Variants in B4GALT6 observed in about 807,000 individuals in gnomAD.
B4GALT6 encodes the protein beta-1,4-galactosyltransferase 6, also known as UDP-Gal:beta-GlcNAc beta-1,4-galactosyltransferase 6.
In B4GALT6, 14 loss-of-function variants were observed where a neutral mutation model predicts 46.3. That is an observed-to-expected ratio of 0.30 (90% confidence interval 0.20 to 0.47). The LOEUF (loss-of-function observed/expected upper bound fraction) is 0.47, where lower values mean the gene tolerates loss of function less well. Ranked by LOEUF, B4GALT6 falls within the 20% of genes least tolerant of loss-of-function variation. The pLI is 0.99. For synonymous variants in B4GALT6, 168 were observed against 162.0 expected, an observed-to-expected ratio of 1.04 and a Z score of -0.28; for missense variants, 386 against 480.1, an observed-to-expected ratio of 0.80 and a Z score of 1.83.
upstream of B4GALT6, among the ~76,000 whole-genome samples, chr18:31,690,381 T>A (rs2030068093): frequency 6.6e-6 from 1 of 152,198 alleles, no homozygotes. Context: ...TCCGCCTGCC[T>A]CAGCCTCCCA....
intron 3 of B4GALT6, among the ~76,000 whole-genome samples, chr18:31,649,194 G>A (rs540741610): frequency 1.9e-4 from 29 of 152,272 alleles, no homozygotes; most frequent in African/African-American, 6.7e-4. Flanking sequence ...ACTAGATACT[G>A]CCTATTTCAA....
chr18:31,656,879 C>T (rs529802559), intron 3 of B4GALT6, among the ~76,000 whole-genome samples: 1 of 152,256 alleles, frequency 6.6e-6, no homozygotes, highest in African/African-American at 2.4e-5. Context: ...GCCCATGATG[C>T]AGCAAGTCAC....
chr18:31,722,615 A>G, the B4GALT6 span, among the ~76,000 whole-genome samples: 1 of 146,756 alleles, frequency 6.8e-6, no homozygotes, highest in South Asian at 2.2e-4. Context: ...CCTCATCAGC[A>G]GGCTCAGCTT....
intron 6 of B4GALT6, 132 bp downstream of exon 6, chr18:31,630,827 C>T (rs888775407): frequency 5.2e-6 from 5 of 963,488 alleles, no homozygotes; most frequent in Admixed American, 2.4e-5. Context: ...CAGGAGGACA[C>T]GATGGAGTTA....
intron 3 of B4GALT6, 30 bp from the exon 4 acceptor site, chr18:31,645,509 T>C: frequency 6.3e-7 from 1 of 1,597,312 alleles, no homozygotes; most frequent in South Asian, 1.1e-5. Flanking sequence ...AGAATTGTTT[T>C]AATATTTTTT....
At chr18:31,657,860 TA>T in intron 3 of B4GALT6, 115 bp downstream of exon 3, 1 of 689,086 alleles carries the variant, frequency 1.5e-6, no homozygotes, top group Non-Finnish European at 2.4e-6. Context: ...CTGCATAATA[TA>T]AACATTTGCA....
intron 1 of B4GALT6, among the ~76,000 whole-genome samples, chr18:31,668,885 C>T (rs1460088330): frequency 2.0e-5 from 3 of 151,804 alleles, no homozygotes; most frequent in Admixed American, 2.0e-4. Context: ...GTGGCGCACG[C>T]CTGTAACCCC....
chr18:31,639,763 T>C (rs1453986343), intron 4 of B4GALT6, among the ~76,000 whole-genome samples: 4 of 152,106 alleles, frequency 2.6e-5, no homozygotes, highest in Non-Finnish European at 5.9e-5. Context: ...TCTTCTAATA[T>C]GAAATAAAAA....
intron 3 of B4GALT6, among the ~76,000 whole-genome samples, chr18:31,648,453 T>G (rs1078998): frequency 0.37 from 56,781 of 151,932 alleles, 10,771 homozygotes; most frequent in Middle Eastern, 0.49. Flanking sequence ...GCCAAGTACC[T>G]AGAAGGTCAA....
At chr18:31,684,667 G>C (rs866224454), upstream of B4GALT6, 560 of 1,191,568 alleles carry the variant, frequency 4.7e-4, 6 homozygotes, top group Middle Eastern at 2.1e-3. Context: ...AGAGGTGGAG[G>C]GGGGAGAGGG....
intron 2 of B4GALT6, among the ~76,000 whole-genome samples, chr18:31,660,473 T>C (rs2074199668): frequency 6.6e-6 from 1 of 152,096 alleles, no homozygotes; most frequent in Non-Finnish European, 1.5e-5. Context: ...GTTCATTGAT[T>C]TACACCTTAG....
At position 31,684,572 on chromosome 18, in the gene B4GALT6, C is replaced by A. The variant is rs139043653; in HGVS notation, c.-146G>T. On this transcript the variant is annotated 5_prime_UTR_variant, in exon 1 of 9. Coordinates refer to ENST00000306851, the MANE Select transcript of B4GALT6 (RefSeq NM_004775.5). ...GGAGGCTCTGGGGAGAGGGCCCGAG[C>A]GGAAAAGAGGAAATGGGAGGGAGCG... is the stretch of plus-strand genomic sequence containing the variant. 5.2e-6 allele frequency: 7 copies of A among 1,337,276 alleles called. No homozygotes were observed. The East Asian group carries it at 1.6e-4, about 31-fold the overall frequency. The allele number at this position is 1,337,276 out of a possible 1,614,324, so 82.8% of individuals were successfully genotyped here. A position where few individuals can be genotyped will look rare whatever the true frequency, so the allele number is the denominator to read the frequency against.
intron 2 of B4GALT6, among the ~76,000 whole-genome samples, chr18:31,661,682 C>A (rs914053742): frequency 6.6e-6 from 1 of 152,128 alleles, no homozygotes; most frequent in East Asian, 1.9e-4. Context: ...ATACACTACA[C>A]ATTCACAGGA....
rs367718116 is a variant in B4GALT6 at position 31,658,040 on chromosome 18, C to T, written c.282G>A (p.Thr94=). The T allele has an allele frequency of 1.8e-5, 29 of 1,611,082 alleles. No individual in the cohort carries two copies. Among genetic ancestry groups the T allele is most frequent in the South Asian group, 5.5e-5 (5 of 90,980 alleles). ...NSSDYLVQTT[T]YLPENFTYSP... is the part of the protein sequence containing the mutation. ...AGTATGTGAAGTTTTCCGGGAGATACGTTGTTGTTTGAACAAGATAATCAC... is the reference window on the plus strand; with the variant it reads ...AGTATGTGAAGTTTTCCGGGAGATATGTTGTTGTTTGAACAAGATAATCAC... The change falls in exon 3 of 9, where the codon ACG becomes ACA. Residue 94 remains threonine (T), a synonymous_variant. Coordinates refer to ENST00000306851, the MANE Select transcript of B4GALT6 (RefSeq NM_004775.5).
chr18:31,708,336 G>A, the B4GALT6 span, among the ~76,000 whole-genome samples: 44 of 152,262 alleles, frequency 2.9e-4, no homozygotes, highest in African/African-American at 7.2e-4. Flanking sequence ...AGGCCAAGGC[G>A]GGCAGATCAC....
the B4GALT6 span, among the ~76,000 whole-genome samples, chr18:31,706,864 A>G: frequency 6.6e-6 from 1 of 152,222 alleles, no homozygotes. Flanking sequence ...CTATTTCATC[A>G]GAGAAACTTA....
In B4GALT6 at chr18:31,684,498, C is replaced by T. The variant is rs555336195; in HGVS notation, c.-72G>A. ...TCGGGGCCACTGTCCAGGCCCTAAA[C>T]TTCCATAAATGTGCTGAGAACCCCG... is the stretch of plus-strand genomic sequence containing the variant. On this transcript the variant is annotated 5_prime_UTR_variant, in exon 1 of 9. Coordinates refer to ENST00000306851, the MANE Select transcript of B4GALT6 (RefSeq NM_004775.5). The T allele has an allele frequency of 6.6e-5, 104 of 1,567,310 alleles. No homozygotes were observed. Among genetic ancestry groups the T allele is most frequent in the Non-Finnish European group, 8.4e-5 (97 of 1,157,326 alleles).
chr18:31,658,064 AC>A lies in B4GALT6; in HGVS notation c.257del (p.Ser86MetfsTer38), dbSNP rs1274176494. ...GTDYPEGNNS[S>X]DYLVQTTTYL... ...ACGTTGTTGTTTGAACAAGATAATC[AC>A]TTGAATTATTGCCTTCGGGATAATC... On this transcript the variant is annotated frameshift_variant, in exon 3 of 9. Transcript: ENST00000306851. LOFTEE classifies it high-confidence loss of function. 6.2e-7 allele frequency: 1 copy of A among 1,612,228 alleles called. No homozygotes were observed. The highest frequency in any genetic ancestry group is 8.5e-7 in the Non-Finnish European group (1 of 1,179,492).
At chr18:31,647,342 A>G (rs1272552973) in intron 3 of B4GALT6, among the ~76,000 whole-genome samples, 1 of 152,108 alleles carries the variant, frequency 6.6e-6, no homozygotes, top group Non-Finnish European at 1.5e-5. Context: ...TTTAATTTCC[A>G]TCTCCAACGC....
Sources: allele counts gnomAD v4.1 joint callset (sites outside exome capture counted in the v4.1 genomes callset), GRCh38; gene constraint gnomAD v4.1.1; transcripts MANE v1.5; gene names NCBI Gene and HGNC (gene_info 2026-07-23, HGNC 2026-07-21).